ADK: variants seen among roughly 807,000 people sequenced by gnomAD.
ADK encodes adenosine kinase.
ADK carries 24 observed loss-of-function variants against 44.7 expected under a neutral mutation model. The observed-to-expected ratio is 0.54, with a 90% CI of 0.39 to 0.76. The LOEUF (loss-of-function observed/expected upper bound fraction) is 0.76, where lower values mean the gene tolerates loss of function less well. Among genes scored for constraint, ADK ranks in the 30% least tolerant of loss-of-function variants. The pLI is 0.00. For missense variants in ADK, 321 were observed against 425.1 expected (o/e 0.76, Z 2.15); for synonymous variants, 128 against 142.6 (o/e 0.90, Z 0.73).
At chr10:74,235,281 T>G (rs1298859764) in intron 3 of ADK, among the ~76,000 whole-genome samples, 1 of 151,956 alleles carries the variant, frequency 6.6e-6, no homozygotes, top group Non-Finnish European at 1.5e-5. Context: ...ATCCAGAAAT[T>G]TAGTGGAGAA....
chr10:74,550,656 G>A (rs1379599410), intron 7 of ADK, among the ~76,000 whole-genome samples: 2 of 152,064 alleles, frequency 1.3e-5, no homozygotes, highest in East Asian at 3.9e-4. Flanking sequence ...TAGTAAATGT[G>A]GGTTGACATG....
At chr10:74,279,245 A>G (rs1846823051) in intron 3 of ADK, among the ~76,000 whole-genome samples, 1 of 151,966 alleles carries the variant, frequency 6.6e-6, no homozygotes, top group Non-Finnish European at 1.5e-5. Context: ...GCGCCACTGC[A>G]TTCCAGCATG....
intron 10 of ADK, among the ~76,000 whole-genome samples, chr10:74,684,720 C>T (rs1380333103): frequency 4.6e-5 from 7 of 152,024 alleles, no homozygotes; most frequent in African/African-American, 7.2e-5. Context: ...TGCAGTGAGC[C>T]GTGATCACAC....
chr10:74,532,487 A>AC (rs1481818558), intron 7 of ADK, among the ~76,000 whole-genome samples: 1 of 151,838 alleles, frequency 6.6e-6, no homozygotes, highest in East Asian at 1.9e-4. Flanking sequence ...AAAAAAAAAA[A>AC]AAAACCCTTG....
At chr10:74,226,344 C>T (rs527556069) in intron 3 of ADK, among the ~76,000 whole-genome samples, 10 of 152,148 alleles carry the variant, frequency 6.6e-5, no homozygotes, top group South Asian at 2.1e-4. Context: ...TGACCTCAAG[C>T]GATCCACCCA....
intron 7 of ADK, chr10:74,527,775 G>C (rs981160104): frequency 6.4e-7 from 1 of 1,571,262 alleles, no homozygotes; most frequent in Non-Finnish European, 8.8e-7. Context: ...CCACATCTGA[G>C]AGAAACCTGA....
chr10:74,537,264 A>G (rs926151527), intron 7 of ADK, among the ~76,000 whole-genome samples: 27 of 152,220 alleles, frequency 1.8e-4, no homozygotes, highest in African/African-American at 5.5e-4. Context: ...AACCTGTTAC[A>G]TTGCATTTTG....
At chr10:74,559,203 C>T (rs1850370417) in intron 7 of ADK, among the ~76,000 whole-genome samples, 1 of 152,234 alleles carries the variant, frequency 6.6e-6, no homozygotes, top group Admixed American at 6.5e-5. Flanking sequence ...ATCCACTGAC[C>T]TCCATTCCTT....
chr10:74,189,377 A>G (rs1179365754), intron 1 of ADK, among the ~76,000 whole-genome samples: 1 of 152,182 alleles, frequency 6.6e-6, no homozygotes, highest in Non-Finnish European at 1.5e-5. Flanking sequence ...ATCCTTTGAT[A>G]GCTACTGAGA....
chr10:74,317,870 C>G (rs1840678881), intron 4 of ADK, among the ~76,000 whole-genome samples: 1 of 152,140 alleles, frequency 6.6e-6, no homozygotes, highest in Admixed American at 6.5e-5. Flanking sequence ...CAACCTCTGC[C>G]TCCCGGGTTC....
chr10:74,314,759 T>C lies in ADK; in HGVS notation c.273+14T>C. ...AAAGTGGCTCAGGTTGGTTAATTATTTTAAAAGTTAAAAGGATTCAAAATG... is the reference window on the plus strand; with the variant it reads ...AAAGTGGCTCAGGTTGGTTAATTATCTTAAAAGTTAAAAGGATTCAAAATG... On this transcript the variant is annotated intron_variant, in intron 4 of 10. Transcript: ENST00000539909. 8 of 1,576,940 alleles carry C rather than the reference T, an allele frequency of 5.1e-6. No homozygotes were observed. The highest frequency in any genetic ancestry group is 7.0e-6 in the Non-Finnish European group (8 of 1,146,920).
At chr10:74,352,521 C>G (rs561815471) in intron 4 of ADK, among the ~76,000 whole-genome samples, 61 of 152,270 alleles carry the variant, frequency 4.0e-4, no homozygotes, top group Non-Finnish European at 7.5e-4. Context: ...TGGGCAAAGA[C>G]TTCATGACTA....
At chr10:74,528,676 G>A (rs1589220946) in intron 7 of ADK, among the ~76,000 whole-genome samples, 1 of 152,010 alleles carries the variant, frequency 6.6e-6, no homozygotes, top group East Asian at 1.9e-4. Flanking sequence ...TCAACAATAA[G>A]CAAACTAACA....
intron 6 of ADK, among the ~76,000 whole-genome samples, chr10:74,478,887 C>T (rs755634951): frequency 2.1e-4 from 32 of 152,164 alleles, no homozygotes; most frequent in African/African-American, 6.3e-4. Context: ...TTTGAATTCC[C>T]GTGCCTTTAC....
chr10:74,416,858 T>A (rs960157979), intron 6 of ADK, among the ~76,000 whole-genome samples: 6 of 152,064 alleles, frequency 3.9e-5, no homozygotes, highest in Non-Finnish European at 8.8e-5. Flanking sequence ...TTTTATTTCA[T>A]CTTTTCCAGA....
At chr10:74,353,735 G>A (rs1388112461) in intron 4 of ADK, among the ~76,000 whole-genome samples, 4 of 152,086 alleles carry the variant, frequency 2.6e-5, no homozygotes, top group Admixed American at 2.0e-4. Context: ...AGGCGTGGTG[G>A]CGGGCATCTG....
At chr10:74,595,923 G>A (rs1342991608) in intron 8 of ADK, among the ~76,000 whole-genome samples, 1 of 149,796 alleles carries the variant, frequency 6.7e-6, no homozygotes, top group Non-Finnish European at 1.5e-5. Flanking sequence ...CTTGAACCCA[G>A]GAGGCAGAGG....
At chr10:74,479,395 G>GT (rs557302014) in intron 6 of ADK, among the ~76,000 whole-genome samples, 3,558 of 116,966 alleles carry the variant, frequency 0.03, 42 homozygotes, top group African/African-American at 0.062. Context: ...TTTTTTGTTG[G>GT]TTTTTTTTTT....
chr10:74,464,842 A>AAAGAGAGAGAAG, intron 6 of ADK, among the ~76,000 whole-genome samples: 1 of 152,018 alleles, frequency 6.6e-6, no homozygotes, highest in African/African-American at 2.4e-5. Flanking sequence ...TTTAAGAAAA[A>AAAGAGAGAGAAG]AAGAGAGAGA....
Sources: allele counts gnomAD v4.1 joint callset (sites outside exome capture counted in the v4.1 genomes callset), GRCh38; gene constraint gnomAD v4.1.1; transcripts MANE v1.5; gene names NCBI Gene and HGNC (gene_info 2026-07-23, HGNC 2026-07-21).